The following NT5DC3 variants were observed in gnomAD, a reference collection of about 807,000 sequenced individuals.
The protein encoded by NT5DC3 is 5'-nucleotidase domain-containing protein 3.
A neutral mutation model predicts 67.8 loss-of-function variants in NT5DC3; 42 were observed. The observed-to-expected ratio is 0.62, with a 90% CI of 0.48 to 0.80. NT5DC3 has a LOEUF of 0.80. Among genes scored for constraint, NT5DC3 ranks in the 30% least tolerant of loss-of-function variants. The pLI is 0.00. For synonymous variants in NT5DC3, 237 were observed against 255.6 expected, an observed-to-expected ratio of 0.93 and a Z score of 0.69; for missense variants, 570 against 696.4, an observed-to-expected ratio of 0.82 and a Z score of 2.04.
At chr12:103,819,298 A>G (rs1017431023) in intron 1 of NT5DC3, among the ~76,000 whole-genome samples, 4 of 152,248 alleles carry the variant, frequency 2.6e-5, no homozygotes, top group African/African-American at 9.6e-5. Flanking sequence ...AAGAACAAAC[A>G]TGAATAATTA....
intron 1 of NT5DC3, among the ~76,000 whole-genome samples, chr12:103,834,423 G>A (rs1361605875): frequency 2.6e-5 from 4 of 152,232 alleles, no homozygotes; most frequent in African/African-American, 9.6e-5. Flanking sequence ...TCAAAAACAG[G>A]AAAAAGTCTG....
intron 2 of NT5DC3, 35 bp from the exon 3 acceptor site, chr12:103,806,964 A>C (rs771460148): frequency 7.9e-7 from 1 of 1,272,328 alleles, no homozygotes; most frequent in Admixed American, 1.7e-5. Flanking sequence ...TTTAGCCAAC[A>C]ATGTGCCAAG....
intron 12 of NT5DC3, among the ~76,000 whole-genome samples, chr12:103,784,513 G>A (rs1298807575): frequency 6.6e-6 from 1 of 152,228 alleles, no homozygotes; most frequent in African/African-American, 2.4e-5. Context: ...AAAGCCAGAG[G>A]GCAGGCATGG....
chr12:103,760,387 C>A, the NT5DC3 span, among the ~76,000 whole-genome samples: 5,876 of 152,192 alleles, frequency 0.039, 166 homozygotes, highest in Middle Eastern at 0.054. Context: ...CAGCCTCCCG[C>A]GTAGCTGGGA....
chr12:103,809,442 C>CAGTG (rs1202393921), intron 2 of NT5DC3, among the ~76,000 whole-genome samples: 1 of 152,214 alleles, frequency 6.6e-6, no homozygotes, highest in Admixed American at 6.5e-5. Flanking sequence ...CCAAAGACCA[C>CAGTG]AGTGAGTGAC....
At chr12:103,751,884 G>A in the NT5DC3 span, among the ~76,000 whole-genome samples, 2 of 152,212 alleles carry the variant, frequency 1.3e-5, no homozygotes, top group Non-Finnish European at 2.9e-5. Flanking sequence ...CCTCCCTTCT[G>A]TTGGAGCTGT....
rs1184554114 is a variant in NT5DC3, at chr12:103,777,195, G to C, written c.*634C>G. On this transcript the variant is annotated 3_prime_UTR_variant, in exon 14 of 14. Coordinates refer to ENST00000392876, the MANE Select transcript of NT5DC3 (RefSeq NM_001031701.3). ...GAAGGACGCAGGAACCACACACTGA[G>C]GACAAAAGGGTCCAGGAGTTGCAGC... 6.5e-6 allele frequency: 1 copy of C among 152,742 alleles called. No homozygotes were observed. Among genetic ancestry groups the C allele is most frequent in the African/African-American group, 2.4e-5 (1 of 41,444 alleles). The allele number at this position is 152,742 out of a possible 1,614,324, so 9.5% of individuals were successfully genotyped here. A position where few individuals can be genotyped will look rare whatever the true frequency, so the allele number is the denominator to read the frequency against.
chr12:103,755,451 C>T, the NT5DC3 span: 762 of 1,614,032 alleles, frequency 4.7e-4, 4 homozygotes, highest in African/African-American at 9.5e-3. Context: ...GGGATGTCTT[C>T]TGCTATCGGA....
intron 6 of NT5DC3, 22 bp downstream of exon 6, chr12:103,796,872 A>G (rs1409899607): frequency 3.1e-6 from 5 of 1,613,714 alleles, no homozygotes; most frequent in Non-Finnish European, 4.2e-6. Flanking sequence ...TCAGCACTGT[A>G]ATCTCTCACT....
intron 1 of NT5DC3, among the ~76,000 whole-genome samples, chr12:103,825,410 C>T (rs1047727319): frequency 1.3e-5 from 2 of 152,068 alleles, no homozygotes; most frequent in Non-Finnish European, 2.9e-5. Flanking sequence ...TTAATGACAA[C>T]CTAATCTTTA....
chr12:103,836,084 C>A (rs1208315377), intron 1 of NT5DC3, among the ~76,000 whole-genome samples: 1 of 152,082 alleles, frequency 6.6e-6, no homozygotes, highest in Admixed American at 6.5e-5. Flanking sequence ...CAATTACCTC[C>A]CCCTGGGTCC....
downstream of NT5DC3, among the ~76,000 whole-genome samples, chr12:103,772,058 G>A (rs564275028): frequency 1.3e-5 from 2 of 152,238 alleles, no homozygotes; most frequent in African/African-American, 4.8e-5. Context: ...TGCTGTGGGT[G>A]GGGGGAGATG....
intron 1 of NT5DC3, among the ~76,000 whole-genome samples, chr12:103,816,859 C>A (rs965652243): frequency 5.3e-5 from 8 of 152,032 alleles, no homozygotes; most frequent in African/African-American, 1.9e-4. Flanking sequence ...TAAGTCATCA[C>A]TATGACATCA....
Position 103,778,067 on chromosome 12 carries a change from C to T in NT5DC3, c.1409G>A (p.Ser470Asn), listed in dbSNP as rs900312527. 6.2e-7 allele frequency: 1 copy of T among 1,610,088 alleles called. No homozygotes were observed. The highest frequency in any genetic ancestry group is 8.5e-7 in the Non-Finnish European group (1 of 1,177,760). Residue 470 changes from serine to asparagine, a missense_variant, in exon 14 of 14, where the codon AGT becomes AAT. Around this residue, in one of 2 missense-constraint regions of NT5DC3, gnomAD observed 466 missense variants for 608.0 expected, o/e 0.77. Transcript: ENST00000392876. ...GCTTCCAAACTGGGCATTGAAGAAA[C>T]TCTTGGTCATTTCTCTGAAGAGGCA... ...ERKEMREMTK[S>N]FFNAQFGSLF...
rs1236295471 is a variant in NT5DC3, at chr12:103,776,805, A to G, written c.*1024T>C. Reference sequence around the variant, plus strand: ...TCCTCCTCCCCTGGCCAATCCAAGCACCTCTCAGTTGGTAACTCATTAGAG... The same window carrying G: ...TCCTCCTCCCCTGGCCAATCCAAGCGCCTCTCAGTTGGTAACTCATTAGAG... On this transcript the variant is annotated 3_prime_UTR_variant, in exon 14 of 14. Coordinates refer to ENST00000392876, the MANE Select transcript of NT5DC3 (RefSeq NM_001031701.3). 1 of 152,160 alleles carries G rather than the reference A, an allele frequency of 6.6e-6. No individual in the cohort carries two copies. Among genetic ancestry groups the G allele is most frequent in the Non-Finnish European group, 1.5e-5 (1 of 68,032 alleles). The allele number at this position is 152,160 out of a possible 1,614,324, so 9.4% of individuals were successfully genotyped here.
At chr12:103,798,360 G>T (rs1233334805) in intron 5 of NT5DC3, among the ~76,000 whole-genome samples, 1 of 152,156 alleles carries the variant, frequency 6.6e-6, no homozygotes, top group Non-Finnish European at 1.5e-5. Context: ...GTGGCAAATG[G>T]GGTAGGTATG....
chr12:103,761,644 A>G, the NT5DC3 span, among the ~76,000 whole-genome samples: 1 of 152,116 alleles, frequency 6.6e-6, no homozygotes, highest in Non-Finnish European at 1.5e-5. Context: ...CTGTTGAATG[A>G]AAGGGGGAGG....
chr12:103,755,930 A>G, the NT5DC3 span, among the ~76,000 whole-genome samples: 13,492 of 152,240 alleles, frequency 0.089, 894 homozygotes, highest in East Asian at 0.26. Flanking sequence ...TTCCTCATCT[A>G]TAAAATGGAG....
rs1593388939 is a variant in NT5DC3, at chr12:103,787,515, C to A, written c.1114G>T (p.Glu372Ter). Residue 372 changes from glutamate to a stop codon, truncating the protein, a stop_gained, in exon 11 of 14, where the codon GAA (glutamate) becomes TAA (stop). Coordinates refer to ENST00000392876, the MANE Select transcript of NT5DC3 (RefSeq NM_001031701.3). LOFTEE classifies it high-confidence loss of function. The part of the protein sequence containing the change: ...GQIYKQGNLY[E>*]FLKLTGWRGS... ...CTCCATCCAGTAAGCTTCAAAAATT[C>A]ATATAAATTACCCTGTAATCAGAGA... 2.5e-6 allele frequency: 4 copies of A among 1,588,858 alleles called. No homozygotes were observed. The highest frequency in any genetic ancestry group is 2.7e-5 in the African/African-American group (2 of 74,472).
Sources: gnomAD v4.1 joint callset for allele counts (sites outside exome capture counted in the v4.1 genomes callset) on GRCh38, gnomAD v4.1.1 for gene constraint, gnomAD v4.1.1 regional missense constraint, MANE v1.5 for transcripts, NCBI Gene and HGNC (gene_info 2026-07-23, HGNC 2026-07-21) for gene names.